CARS1: variants seen among roughly 807,000 people sequenced by gnomAD.
CARS1 encodes cysteinyl-tRNA synthetase 1.
Under a neutral mutation model 106.2 loss-of-function variants are expected in CARS1, and 48 were observed. The observed-to-expected ratio is 0.45, with a 90% confidence interval of 0.36 to 0.57. The LOEUF is 0.57. Among genes scored for constraint, CARS1 ranks in the 20% least tolerant of loss-of-function variants. The pLI is 0.00. For missense variants in CARS1, 968 were observed against 1,057.2 expected (o/e 0.92, Z 1.17); for synonymous variants, 409 against 403.4 (o/e 1.01, Z -0.17).
intron 16 of CARS1, 49 bp from the exon 17 acceptor site, chr11:3,015,898 G>A (rs1850942029): frequency 6.7e-7 from 1 of 1,497,738 alleles, no homozygotes; most frequent in South Asian, 1.1e-5. Context: ...GATGAAGGCG[G>A]CATGTGGCGA....
chr11:3,005,549 G>A (rs146266201), intron 19 of CARS1, 116 bp from the exon 20 acceptor site: 173 of 696,746 alleles, frequency 2.5e-4, no homozygotes, highest in African/African-American at 2.5e-3. Flanking sequence ...CAGTCAGAGC[G>A]AGGGCCCACA....
chr11:3,052,218 G>A lies in CARS1; in HGVS notation c.26-4217C>T, dbSNP rs1190777650. On this transcript the variant is annotated intron_variant, in intron 1 of 22. Transcript: ENST00000380525. This position sits in a 1 kb window ranked among gnomAD's most constrained non-coding sequence, Gnocchi z 4.6. ...CTCTGGAGACCTGAGGGGCGGCCCC[G>A]ACGCCCTCCAGGGCTGAGTACCTAC... is the stretch of plus-strand genomic sequence containing the variant. Among the ~76,000 whole-genome samples the A allele has an allele frequency of 1.3e-5, 2 of 152,216 alleles. No individual in the cohort carries two copies. The highest frequency in any genetic ancestry group is 2.9e-5 in the Non-Finnish European group (2 of 68,038).
intron 7 of CARS1, among the ~76,000 whole-genome samples, chr11:3,032,090 C>T (rs992333806): frequency 1.6e-5 from 2 of 122,750 alleles, no homozygotes; most frequent in Non-Finnish European, 3.3e-5. Flanking sequence ...TTCCTTCCTT[C>T]CTTGATGGAG....
chr11:3,029,103 T>C lies in CARS1; in HGVS notation c.943-19A>G, dbSNP rs1852421569. On this transcript the variant is annotated intron_variant, in intron 8 of 22. Transcript: ENST00000380525. This position sits in a 1 kb window ranked among gnomAD's most constrained non-coding sequence, Gnocchi z 5.9. The stretch of plus-strand genomic sequence containing the variant: ...GGAGAACCTGTGCAAGACATGAGAA[T>C]GTCCTGGGATTTTCCCTTCTGAAAA... The C allele has an allele frequency of 6.3e-7, 1 of 1,586,400 alleles. No individual in the cohort carries two copies.
rs375694267 is a variant in CARS1 at position 3,039,164 on chromosome 11, G to A, written c.651+30C>T. The A allele has an allele frequency of 1.2e-4, 173 of 1,425,316 alleles. No individual in the cohort carries two copies. The highest frequency in any genetic ancestry group is 3.4e-4 in the East Asian group (15 of 43,926). The allele number at this position is 1,425,316 out of a possible 1,614,324, so 88.3% of individuals were successfully genotyped here. A position where few individuals can be genotyped will look rare whatever the true frequency, so the allele number is the denominator to read the frequency against. The stretch of plus-strand genomic sequence containing the variant: ...ACCGAGAACAGAAAGCAAAGGGCTC[G>A]GTTTCTAGAGCAGACAGCAAGAGGC... On this transcript the variant is annotated intron_variant, in intron 6 of 22. Coordinates refer to ENST00000380525, the MANE Select transcript of CARS1 (RefSeq NM_001014437.3). This position sits in a 1 kb window ranked among gnomAD's most constrained non-coding sequence, Gnocchi z 5.6.
rs555551728 is a variant in CARS1, at chr11:3,039,250, G to T, written c.595C>A (p.Arg199=). 1.4e-5 allele frequency: 22 copies of T among 1,613,736 alleles called. No individual in the cohort carries two copies. The highest frequency in any genetic ancestry group is 1.8e-5 in the Non-Finnish European group (21 of 1,179,822). ...ARQNHLFEQY[R]EKRPEAAQLL... ...TGTGCCGCTTCAGGCCTCTTCTCCCGATACTGCTCGAACAGGTGGTTCTGC... is the reference window on the plus strand; with the variant it reads ...TGTGCCGCTTCAGGCCTCTTCTCCCTATACTGCTCGAACAGGTGGTTCTGC... Residue 199 remains arginine, a synonymous_variant, in exon 6 of 23, where the codon CGG becomes AGG. Coordinates refer to ENST00000380525, the MANE Select transcript of CARS1 (RefSeq NM_001014437.3). The surrounding 1 kb of genome is among the most constrained non-coding windows in gnomAD (Gnocchi z 5.6).
Position 3,040,765 on chromosome 11 carries a change from T to G in CARS1, c.455+131A>C. The G allele has an allele frequency of 4.4e-6, 4 of 911,526 alleles. No homozygotes were observed. Among genetic ancestry groups the G allele is most frequent in the Non-Finnish European group, 5.1e-6 (3 of 588,408 alleles). 56.5% of individuals were successfully genotyped at this position (911,526 alleles called of 1,614,324 possible). ...AATAAGAGAAGAAATTCAGTCTTGA[T>G]TCCTCAAATCTCAGGTCTCTGTAGC... On this transcript the variant is annotated intron_variant, in intron 4 of 22. Coordinates refer to ENST00000380525, the MANE Select transcript of CARS1 (RefSeq NM_001014437.3). The surrounding 1 kb of genome is among the most constrained non-coding windows in gnomAD (Gnocchi z 5.8).
chr11:3,002,263 G>A, intron 21 of CARS1: 1 of 647,272 alleles, frequency 1.5e-6, no homozygotes, highest in African/African-American at 1.8e-5. Context: ...CAGGAATAGT[G>A]GAAAGCTTAC....
Position 3,029,262 on chromosome 11 carries a change from T to A in CARS1, c.942+41A>T. The A allele has an allele frequency of 6.2e-7, 1 of 1,604,780 alleles. No individual in the cohort carries two copies. The highest frequency in any genetic ancestry group is 8.5e-7 in the Non-Finnish European group (1 of 1,172,570). On this transcript the variant is annotated intron_variant, in intron 8 of 22. Coordinates refer to ENST00000380525, the MANE Select transcript of CARS1 (RefSeq NM_001014437.3). This position sits in a 1 kb window ranked among gnomAD's most constrained non-coding sequence, Gnocchi z 5.9. ...AACAGGAATTTAGAAATCAGGGCCC[T>A]TAGCGCAAGAGAGCCAGCACAAGAC...
rs145425911 is a variant in CARS1 at position 3,010,644 on chromosome 11, C to T, written c.2068+1551G>A. Among the ~76,000 whole-genome samples, 945 of 152,324 alleles carry T rather than the reference C, an allele frequency of 6.2e-3. 9 individuals carry two copies. The highest frequency in any genetic ancestry group is 0.021 in the African/African-American group (865 of 41,570). On this transcript the variant is annotated intron_variant, in intron 18 of 22. Coordinates refer to ENST00000380525, the MANE Select transcript of CARS1 (RefSeq NM_001014437.3). ...CCAGCAGCCCAGCAGCCCGGCCAGC[C>T]TCTCCTCTCACCCAGTGTCCTGCAC...
chr11:3,028,302 C>G lies in CARS1; in HGVS notation c.1031+694G>C, dbSNP rs1194086310. ...ATCAGTGCAGCCTGGCATTCGGGGC[C>G]ACTACCGGTCTCCGCGTCTTGGTGG... On this transcript the variant is annotated intron_variant, in intron 9 of 22. Transcript: ENST00000380525. The surrounding 1 kb of genome is among the most constrained non-coding windows in gnomAD (Gnocchi z 4.4). 5 of 536,374 alleles carry G rather than the reference C, an allele frequency of 9.3e-6. No homozygotes were observed. Among genetic ancestry groups the G allele is most frequent in the Non-Finnish European group, 1.7e-5 (5 of 291,490 alleles). The allele number at this position is 536,374 out of a possible 1,614,324, so 33.2% of individuals were successfully genotyped here. A position where few individuals can be genotyped will look rare whatever the true frequency, so the allele number is the denominator to read the frequency against.
At chr11:3,042,110 C>T in intron 3 of CARS1, 55 bp downstream of exon 3, 1 of 1,350,630 alleles carries the variant, frequency 7.4e-7, no homozygotes, top group Non-Finnish European at 1.1e-6. Flanking sequence ...ATGGGCTGTC[C>T]TGCCTCCTGC....
At position 3,019,073 on chromosome 11, in the gene CARS1, T is replaced by C; in HGVS notation, c.1395+66A>G. 6.8e-7 allele frequency: 1 copy of C among 1,480,200 alleles called. No homozygotes were observed. Among genetic ancestry groups the C allele is most frequent in the South Asian group, 1.5e-5 (1 of 67,876 alleles). 91.7% of individuals were successfully genotyped at this position (1,480,200 alleles called of 1,614,324 possible). ...AGGCCCTTCTGAGGCCTGGGCTGACTTTTCCTCCACTGCAGTATGAACACT... is the reference window on the plus strand; with the variant it reads ...AGGCCCTTCTGAGGCCTGGGCTGACCTTTCCTCCACTGCAGTATGAACACT... On this transcript the variant is annotated intron_variant, in intron 12 of 22. Coordinates refer to ENST00000380525, the MANE Select transcript of CARS1 (RefSeq NM_001014437.3). The surrounding 1 kb of genome is among the most constrained non-coding windows in gnomAD (Gnocchi z 6.2).
intron 18 of CARS1, among the ~76,000 whole-genome samples, chr11:3,011,296 T>C (rs913183018): frequency 6.6e-6 from 1 of 152,102 alleles, no homozygotes; most frequent in Non-Finnish European, 1.5e-5. Context: ...ACCACACACA[T>C]CTCAGAAATT....
rs1049344448 is a variant in CARS1, at chr11:3,003,081, C to A, written c.2218-481G>T. ...CAGCCTTGGGGGCTAGGTGAGGAGA[C>A]CAGAGCCCACTCCAACCAGCAGGCA... On this transcript the variant is annotated intron_variant, in intron 20 of 22. Transcript: ENST00000380525. The surrounding 1 kb of genome is among the most constrained non-coding windows in gnomAD (Gnocchi z 4.8). Among the ~76,000 whole-genome samples the A allele has an allele frequency of 6.6e-6, 1 of 152,052 alleles. No individual in the cohort carries two copies. The highest frequency in any genetic ancestry group is 2.1e-4 in the South Asian group (1 of 4,826).
chr11:3,036,761 G>A (rs1269819909), intron 7 of CARS1, among the ~76,000 whole-genome samples: 4 of 152,164 alleles, frequency 2.6e-5, no homozygotes, highest in Non-Finnish European at 5.9e-5. Flanking sequence ...TCCAAAAGGT[G>A]GAAACAACCC....
chr11:3,032,853 A>G (rs983292380), intron 7 of CARS1, among the ~76,000 whole-genome samples: 1 of 151,262 alleles, frequency 6.6e-6, no homozygotes, highest in African/African-American at 2.4e-5. Flanking sequence ...GTCCAAACCC[A>G]TAGGATGTAA....
rs1326841019 is a variant in CARS1, at chr11:3,007,125, A to G, written c.2069-166T>C. On this transcript the variant is annotated intron_variant, in intron 18 of 22. Coordinates refer to ENST00000380525, the MANE Select transcript of CARS1 (RefSeq NM_001014437.3). ...GGCCCACAGAACGAGTACCTCCTCC[A>G]GTGCTTGGGAGGGAGGGCCCAGCAG... 1.3e-5 allele frequency: 8 copies of G among 617,404 alleles called. No homozygotes were observed. The East Asian group carries it at 2.2e-4, about 17-fold the overall frequency. 38.2% of individuals were successfully genotyped at this position (617,404 alleles called of 1,614,324 possible).
rs1251689745 is a variant in CARS1 at position 3,021,092 on chromosome 11, A to G, written c.1154-760T>C. The stretch of plus-strand genomic sequence containing the variant: ...TCCATGCATTGACTCGGTGACACTC[A>G]GCCACCTGACACTCAGGGTACAAGG... On this transcript the variant is annotated intron_variant, in intron 10 of 22. Transcript: ENST00000380525. This position sits in a 1 kb window ranked among gnomAD's most constrained non-coding sequence, Gnocchi z 5.3. 6.6e-6 allele frequency among the ~76,000 whole-genome samples: 1 copy of G among 152,216 alleles called. No individual in the cohort carries two copies. The highest frequency in any genetic ancestry group is 6.5e-5 in the Admixed American group (1 of 15,284).
Sources: allele counts gnomAD v4.1 joint callset (sites outside exome capture counted in the v4.1 genomes callset), GRCh38; gene constraint gnomAD v4.1.1; non-coding constraint Gnocchi (gnomAD v3.1); transcripts MANE v1.5; gene names NCBI Gene and HGNC (gene_info 2026-07-23, HGNC 2026-07-21).